Variants in POLN observed in about 807,000 individuals in gnomAD.
The protein encoded by POLN is DNA polymerase nu, also known as DNA polymerase N.
Under a neutral mutation model 113.5 loss-of-function variants are expected in POLN, and 108 were observed. That is an observed-to-expected ratio of 0.95 (90% CI 0.81 to 1.12). POLN has a LOEUF of 1.12. POLN is among the 50% of genes most tolerant of loss of function. POLN has a pLI of 0.00. For missense variants in POLN, 1,097 were observed against 1,077.1 expected, an observed-to-expected ratio of 1.02 and a Z score of -0.26; for synonymous variants, 386 against 391.5, an observed-to-expected ratio of 0.99 and a Z score of 0.17.
intron 20 of POLN, among the ~76,000 whole-genome samples, chr4:2,086,400 T>C (rs979359805): frequency 1.3e-5 from 2 of 152,212 alleles, no homozygotes; most frequent in Non-Finnish European, 2.9e-5. Flanking sequence ...CACAGAAGCC[T>C]GGGTCTGGGC....
intron 23 of POLN, chr4:2,078,729 G>C (rs959848894): frequency 1.0e-5 from 10 of 985,328 alleles, no homozygotes; most frequent in East Asian, 1.1e-4. Context: ...TTCCACACGA[G>C]TCTGCTTTGC....
At chr4:2,189,653 GA>G (rs1354882486) in intron 7 of POLN, among the ~76,000 whole-genome samples, 1 of 136,276 alleles carries the variant, frequency 7.3e-6, no homozygotes, top group East Asian at 2.4e-4. Flanking sequence ...AAAAAAAAAA[GA>G]AAAAAAATCA....
chr4:2,217,744 C>T (rs1734146831), intron 3 of POLN, among the ~76,000 whole-genome samples: 1 of 152,228 alleles, frequency 6.6e-6, no homozygotes, highest in African/African-American at 2.4e-5. Flanking sequence ...TGGCATCTTT[C>T]CCCACTACAG....
intron 4 of POLN, among the ~76,000 whole-genome samples, chr4:2,209,946 G>T (rs1733950979): frequency 6.7e-6 from 1 of 149,580 alleles, no homozygotes; most frequent in African/African-American, 2.4e-5. Context: ...ACAGGTGTGA[G>T]CCAACATACC....
chr4:2,083,264 C>T (rs1177262661), intron 21 of POLN, among the ~76,000 whole-genome samples: 1 of 152,218 alleles, frequency 6.6e-6, no homozygotes, highest in Non-Finnish European at 1.5e-5. Context: ...CTGCATCTGC[C>T]TCCCAAGTCT....
intron 1 of POLN, 32 bp downstream of exon 1, chr4:2,242,019 C>T: frequency 1.0e-6 from 1 of 985,642 alleles, no homozygotes; most frequent in Non-Finnish European, 1.2e-6. Context: ...CCCCACACCC[C>T]TGCGCCCAGA....
intron 16 of POLN, among the ~76,000 whole-genome samples, chr4:2,140,641 AG>A (rs1488724727): frequency 1.3e-5 from 2 of 151,992 alleles, no homozygotes; most frequent in African/African-American, 4.8e-5. Context: ...CCAGCTACTC[AG>A]GAGGCTGAGG....
In POLN at chr4:2,071,955, A is replaced by G. The variant is rs1478147596; in HGVS notation, c.*159T>C. On this transcript the variant is annotated 3_prime_UTR_variant, in exon 26 of 26. Coordinates refer to ENST00000511885, the MANE Select transcript of POLN (RefSeq NM_181808.4). The surrounding 1 kb of genome is among the most constrained non-coding windows in gnomAD (Gnocchi z 5.2). ...ACAGGAAGAATTCACTCAGACAAGGATGAGGAGGGCTTTGCACAGGCATTT... is the reference window on the plus strand; with the variant it reads ...ACAGGAAGAATTCACTCAGACAAGGGTGAGGAGGGCTTTGCACAGGCATTT... The G allele has an allele frequency of 1.2e-6, 1 of 834,314 alleles. No homozygotes were observed. Among genetic ancestry groups the G allele is most frequent in the South Asian group, 1.4e-5 (1 of 71,556 alleles). 51.7% of individuals were successfully genotyped at this position (834,314 alleles called of 1,614,324 possible). A position where few individuals can be genotyped will look rare whatever the true frequency, so the allele number is the denominator to read the frequency against.
At chr4:2,232,012 A>G in intron 2 of POLN, 1 of 1,509,106 alleles carries the variant, frequency 6.6e-7, no homozygotes, top group Non-Finnish European at 9.2e-7. Context: ...ATCTTTTAAA[A>G]AATATACATA....
intron 18 of POLN, 39 bp from the exon 19 acceptor site, chr4:2,128,266 G>A (rs1394648358): frequency 7.2e-7 from 1 of 1,380,416 alleles, no homozygotes; most frequent in South Asian, 1.2e-5. Context: ...GAGTTTGCCA[G>A]CAATGTTCCT....
At chr4:2,121,307 T>C (rs1010055458) in intron 19 of POLN, among the ~76,000 whole-genome samples, 3 of 151,926 alleles carry the variant, frequency 2.0e-5, no homozygotes, top group African/African-American at 7.3e-5. Flanking sequence ...TGGTGGCAGA[T>C]GTCTGTAATC....
intron 5 of POLN, among the ~76,000 whole-genome samples, chr4:2,204,770 G>A (rs1733803521): frequency 6.6e-6 from 1 of 152,208 alleles, no homozygotes; most frequent in Non-Finnish European, 1.5e-5. Flanking sequence ...TACCAGGGAT[G>A]CAGGGTTGGT....
At chr4:2,232,254 G>A (rs1734608786) in intron 2 of POLN, 1 of 587,306 alleles carries the variant, frequency 1.7e-6, no homozygotes, top group Non-Finnish European at 2.8e-6. Flanking sequence ...GACTTTAAAG[G>A]ACTTAATAAC....
At chr4:2,135,455 T>C (rs1271913595) in intron 16 of POLN, among the ~76,000 whole-genome samples, 2 of 152,198 alleles carry the variant, frequency 1.3e-5, no homozygotes, top group Non-Finnish European at 2.9e-5. Flanking sequence ...CGGGTTCACA[T>C]TTCCAAACAC....
intron 19 of POLN, among the ~76,000 whole-genome samples, chr4:2,124,589 T>C (rs901892707): frequency 1.3e-5 from 2 of 152,152 alleles, no homozygotes; most frequent in Non-Finnish European, 2.9e-5. Flanking sequence ...AATTGTAACA[T>C]TAAAAAGGTG....
At chr4:2,164,937 GGAACTCTCATTCATTGTT>G (rs970983533) in intron 13 of POLN, among the ~76,000 whole-genome samples, 13 of 149,452 alleles carry the variant, frequency 8.7e-5, no homozygotes, top group South Asian at 4.3e-4. Context: ...TGGAGCAACA[GGAACTCTCATTCATTGTT>G]GAACTCTCAT....
chr4:2,198,302 C>A (rs1479962678), intron 6 of POLN, among the ~76,000 whole-genome samples: 1 of 152,114 alleles, frequency 6.6e-6, no homozygotes, highest in African/African-American at 2.4e-5. Context: ...GTCCTGGAGC[C>A]GGCTGCTCCC....
intron 17 of POLN, 87 bp from the exon 18 acceptor site, chr4:2,129,343 T>C: frequency 2.4e-6 from 2 of 848,878 alleles, no homozygotes; most frequent in Admixed American, 4.2e-5. Flanking sequence ...TTGAATATTA[T>C]TCTGAAGTCC....
At chr4:2,179,176 A>C (rs188422273) in intron 8 of POLN, 132 bp downstream of exon 8, 233 of 920,260 alleles carry the variant, frequency 2.5e-4, no homozygotes, top group Non-Finnish European at 3.3e-4. Context: ...GGTCACAACT[A>C]TTTGTGCTGA....
Sources: allele counts gnomAD v4.1 joint callset (sites outside exome capture counted in the v4.1 genomes callset), GRCh38; gene constraint gnomAD v4.1.1; non-coding constraint Gnocchi (gnomAD v3.1); transcripts MANE v1.5; gene names NCBI Gene and HGNC (gene_info 2026-07-23, HGNC 2026-07-21).